Variants in DSG2 observed in about 807,000 individuals in gnomAD.
DSG2 encodes desmoglein-2.
Under a neutral mutation model 75.6 loss-of-function variants are expected in DSG2, and 45 were observed. The ratio of observed to expected loss-of-function variants is 0.60; its 90% confidence interval spans 0.47 to 0.76. DSG2 has a LOEUF of 0.76. DSG2 is among the 30% of genes least tolerant of loss of function. DSG2 has a pLI of 0.00. For synonymous variants in DSG2, 429 were observed against 483.9 expected (o/e 0.89, Z 1.49); for missense variants, 1,267 against 1,357.4 (o/e 0.93, Z 1.05).
chr18:31,509,402 G>A (rs11877234), intron 1 of DSG2, among the ~76,000 whole-genome samples: 3,371 of 147,746 alleles, frequency 0.023, 131 homozygotes, highest in African/African-American at 0.08. Context: ...CAAATTCAGA[G>A]TTCAAAAATT....
chr18:31,524,834 T>C lies in DSG2; in HGVS notation c.960T>C (p.Tyr320=), dbSNP rs779134422. Reference sequence around the variant, plus strand: ...TTGCATCAGGAAATGAAGGAGGTTATTTCCACATAGAAACAGATGCTCAAA... The same window carrying C: ...TTGCATCAGGAAATGAAGGAGGTTACTTCCACATAGAAACAGATGCTCAAA... ...FTFASGNEGG[Y]FHIETDAQTN... The change falls in exon 8 of 15, where the codon TAT becomes TAC. Residue 320 remains tyrosine, a synonymous_variant. Coordinates refer to ENST00000261590, the MANE Select transcript of DSG2 (RefSeq NM_001943.5). 6.2e-7 allele frequency: 1 copy of C among 1,614,180 alleles called. No homozygotes were observed. Among genetic ancestry groups the C allele is most frequent in the Non-Finnish European group, 8.5e-7 (1 of 1,180,040 alleles).
At chr18:31,521,309 A>G in intron 5 of DSG2, 66 bp downstream of exon 5, 1 of 1,463,064 alleles carries the variant, frequency 6.8e-7, no homozygotes, top group Non-Finnish European at 9.3e-7. Flanking sequence ...CACTGTAAAT[A>G]AACACTAAAT....
At chr18:31,498,840 T>G (rs183359464) in intron 1 of DSG2, among the ~76,000 whole-genome samples, 1 of 152,342 alleles carries the variant, frequency 6.6e-6, no homozygotes, top group African/African-American at 2.4e-5. Flanking sequence ...TTACAAAGCT[T>G]AATTTTAAGT....
intron 1 of DSG2, among the ~76,000 whole-genome samples, chr18:31,515,577 C>T (rs2073090133): frequency 6.6e-6 from 1 of 152,164 alleles, no homozygotes; most frequent in Non-Finnish European, 1.5e-5. Flanking sequence ...TTTGAAAATA[C>T]ATAAATTTGG....
intron 14 of DSG2, chr18:31,543,175 G>A (rs2073281456): frequency 4.6e-6 from 1 of 219,696 alleles, no homozygotes; most frequent in Non-Finnish European, 9.0e-6. Flanking sequence ...CACTGAGAGA[G>A]CAGATTGTAC....
intron 1 of DSG2, among the ~76,000 whole-genome samples, chr18:31,516,222 A>G (rs2073093673): frequency 6.6e-6 from 1 of 152,144 alleles, no homozygotes; most frequent in Non-Finnish European, 1.5e-5. Flanking sequence ...TAGCCAATGG[A>G]GAAGGAAGAT....
Position 31,548,711 on chromosome 18 carries a change from T to C in DSG2, c.*1968T>C, listed in dbSNP as rs1368799065. 6.6e-6 allele frequency: 1 copy of C among 152,232 alleles called. No homozygotes were observed. Among genetic ancestry groups the C allele is most frequent in the Non-Finnish European group, 1.5e-5 (1 of 68,028 alleles). The allele number at this position is 152,232 out of a possible 1,614,324, so 9.4% of individuals were successfully genotyped here. Reference sequence around the variant, plus strand: ...AGCCTTGGAAACCTAACCTGCCTCTTTTAGCATAATCACATTTTCTAAATG... The same window carrying C: ...AGCCTTGGAAACCTAACCTGCCTCTCTTAGCATAATCACATTTTCTAAATG... On this transcript the variant is annotated 3_prime_UTR_variant, in exon 15 of 15. Coordinates refer to ENST00000261590, the MANE Select transcript of DSG2 (RefSeq NM_001943.5).
At position 31,547,213 on chromosome 18, in the gene DSG2, A is replaced by G. The variant is rs1000591634; in HGVS notation, c.*470A>G. 1.6e-5 allele frequency: 4 copies of G among 256,020 alleles called. No individual in the cohort carries two copies. Among genetic ancestry groups the G allele is most frequent in the Non-Finnish European group, 3.0e-5 (4 of 131,532 alleles). The allele number at this position is 256,020 out of a possible 1,614,324, so 15.9% of individuals were successfully genotyped here. A position where few individuals can be genotyped will look rare whatever the true frequency, so the allele number is the denominator to read the frequency against. On this transcript the variant is annotated 3_prime_UTR_variant, in exon 15 of 15. Transcript: ENST00000261590. ...CAACAACTCATTGATCCAAAGATAC[A>G]TGCACAGTCTGAGCACCAGCTATGG...
At position 31,524,848 on chromosome 18, in the gene DSG2, C is replaced by T; in HGVS notation, c.974C>T (p.Thr325Ile). The change falls in exon 8 of 15, where the codon ACA becomes ATA. Residue 325 changes from threonine to isoleucine, a missense_variant. Thr to Ile is a moderately conservative substitution (Grantham distance 89). Coordinates refer to ENST00000261590, the MANE Select transcript of DSG2 (RefSeq NM_001943.5). The part of the protein sequence containing the change: ...GNEGGYFHIE[T>I]DAQTNEGIVT... ...GAAGGAGGTTATTTCCACATAGAAA[C>T]AGATGCTCAAACTAACGAAGGAATT... 6.2e-7 allele frequency: 1 copy of T among 1,614,120 alleles called. No homozygotes were observed. The highest frequency in any genetic ancestry group is 8.5e-7 in the Non-Finnish European group (1 of 1,180,006).
chr18:31,511,447 G>T (rs183686304), intron 1 of DSG2, among the ~76,000 whole-genome samples: 9 of 152,348 alleles, frequency 5.9e-5, no homozygotes, highest in African/African-American at 1.9e-4. Flanking sequence ...TTAAGAATGT[G>T]TTCTGTGAGA....
chr18:31,524,974 G>A, intron 8 of DSG2, 86 bp downstream of exon 8: 1 of 1,278,814 alleles, frequency 7.8e-7, no homozygotes, highest in Non-Finnish European at 1.1e-6. Flanking sequence ...ACACTTAAAA[G>A]TGCTTTACAT....
At chr18:31,515,248 A>G (rs961592795) in intron 1 of DSG2, among the ~76,000 whole-genome samples, 1 of 152,000 alleles carries the variant, frequency 6.6e-6, no homozygotes, top group African/African-American at 2.4e-5. Context: ...GACTACAGGC[A>G]CCCACCACCA....
intron 1 of DSG2, among the ~76,000 whole-genome samples, chr18:31,510,774 C>A (rs766486506): frequency 6.6e-6 from 1 of 152,150 alleles, no homozygotes; most frequent in East Asian, 1.9e-4. Context: ...TCTGAAAACA[C>A]TGCTTTGGAT....
chr18:31,526,125 T>C (rs2073161755), intron 8 of DSG2, among the ~76,000 whole-genome samples: 2 of 152,138 alleles, frequency 1.3e-5, no homozygotes, highest in African/African-American at 2.4e-5. Flanking sequence ...GCCTGGGCAA[T>C]AGAGTGAGAT....
At chr18:31,524,626 A>G (rs1568106680) in intron 7 of DSG2, 41 bp downstream of exon 7, 7 of 1,603,904 alleles carry the variant, frequency 4.4e-6, no homozygotes, top group Non-Finnish European at 6.0e-6. Flanking sequence ...ATTTATTTAT[A>G]TTTCAGTCCT....
intron 1 of DSG2, among the ~76,000 whole-genome samples, chr18:31,508,137 C>T (rs919676292): frequency 6.6e-6 from 1 of 152,040 alleles, no homozygotes; most frequent in African/African-American, 2.4e-5. Flanking sequence ...TTTCAGTTTT[C>T]TGCATGTGGC....
At chr18:31,543,392 T>TA in intron 14 of DSG2, 1 of 152,682 alleles carries the variant, frequency 6.5e-6, no homozygotes, top group Non-Finnish European at 1.5e-5. Flanking sequence ...AGAGGATATA[T>TA]AACCTAAAAA....
At chr18:31,527,855 G>A (rs1163390550) in intron 8 of DSG2, among the ~76,000 whole-genome samples, 8 of 152,296 alleles carry the variant, frequency 5.3e-5, no homozygotes, top group East Asian at 1.9e-4. Flanking sequence ...GGCAGGTCCC[G>A]CTTTCTGGCT....
intron 1 of DSG2, among the ~76,000 whole-genome samples, chr18:31,515,195 C>T (rs569350106): frequency 2.4e-4 from 36 of 152,204 alleles, no homozygotes; most frequent in African/African-American, 8.4e-4. Context: ...CTCTGCCTCC[C>T]GGGTTCACGC....
Sources: gnomAD v4.1 joint callset for allele counts (sites outside exome capture counted in the v4.1 genomes callset) on GRCh38, gnomAD v4.1.1 for gene constraint, MANE v1.5 for transcripts, NCBI Gene and HGNC (gene_info 2026-07-23, HGNC 2026-07-21) for gene names.